The following CCT4 variants were observed in gnomAD, a reference collection of about 807,000 sequenced individuals.
CCT4 encodes the protein chaperonin containing TCP1 subunit 4, also known as T-complex protein 1 subunit delta.
In CCT4, 17 loss-of-function variants were observed where a neutral mutation model predicts 62.5. The ratio of observed to expected loss-of-function variants is 0.27; its 90% CI spans 0.19 to 0.41. CCT4 has a LOEUF of 0.41. CCT4 is among the 10% of genes least tolerant of loss of function. The probability of loss-of-function intolerance (pLI) is 1.00; values close to 1 mark genes in which losing one functional copy is unlikely to be tolerated. For synonymous variants in CCT4, 250 were observed against 229.9 expected (o/e 1.09, Z -0.79); for missense variants, 592 against 659.2 (o/e 0.90, Z 1.12).
At chr2:61,870,800 T>C (rs983399101) in intron 12 of CCT4, among the ~76,000 whole-genome samples, 25 of 152,022 alleles carry the variant, frequency 1.6e-4, no homozygotes, top group Non-Finnish European at 3.7e-4. Context: ...TGGGCGCCTG[T>C]AGTCCCAGCT....
In CCT4 at chr2:61,871,031, G is replaced by GTT. The variant is rs747752539; in HGVS notation, c.1491+1049_1491+1050dup. Among the ~76,000 whole-genome samples the GTT allele has an allele frequency of 1.4e-4, 19 of 138,790 alleles. 1 individual carries two copies. The highest frequency in any genetic ancestry group is 1.6e-4 in the African/African-American group (6 of 37,620). The allele number at this position is 138,790 out of a possible 152,430, so 91.1% of individuals were successfully genotyped here. A position where few individuals can be genotyped will look rare whatever the true frequency, so the allele number is the denominator to read the frequency against. On this transcript the variant is annotated intron_variant, in intron 12 of 13. Transcript: ENST00000394440. ...CAGGGGCCTCCTCATTCTATTAATA[G>GTT]TTTTTTTTTTTTTTTTTTGAGACGG...
chr2:61,883,988 G>A (rs1669179745), intron 2 of CCT4, among the ~76,000 whole-genome samples: 1 of 152,108 alleles, frequency 6.6e-6, no homozygotes, highest in African/African-American at 2.4e-5. Flanking sequence ...AAAGGACAAT[G>A]GCATTTTTGG....
In CCT4 at chr2:61,888,377, A is replaced by G. The variant is rs1202677501; in HGVS notation, c.127+4T>C. ...CGCCGCGGGTCAGGCCATGAGAGTG[A>G]TACCTTTGGCGGCGGAAATGTTGCT... On this transcript the variant is annotated splice_donor_region_variant and intron_variant, in intron 1 of 13. Transcript: ENST00000394440. 1 of 1,612,666 alleles carries G rather than the reference A, an allele frequency of 6.2e-7. No homozygotes were observed. Among genetic ancestry groups the G allele is most frequent in the African/African-American group, 1.3e-5 (1 of 74,840 alleles).
intron 2 of CCT4, 53 bp downstream of exon 2, chr2:61,884,967 G>A: frequency 2.8e-6 from 4 of 1,414,636 alleles, no homozygotes; most frequent in African/African-American, 1.4e-5. Flanking sequence ...ACAAGATCTT[G>A]TAGTGTGAAC....
At chr2:61,884,563 C>T (rs1022233356) in intron 2 of CCT4, among the ~76,000 whole-genome samples, 11 of 152,126 alleles carry the variant, frequency 7.2e-5, no homozygotes, top group Admixed American at 5.2e-4. Context: ...CCCGTCTCGG[C>T]CTCCCAAAGT....
At chr2:61,885,123 T>A (rs1285927344) in intron 1 of CCT4, 51 bp from the exon 2 acceptor site, 4 of 1,415,884 alleles carry the variant, frequency 2.8e-6, no homozygotes, top group Admixed American at 2.6e-5. Flanking sequence ...TTTTTTTTTT[T>A]AAGAGACAGG....
At chr2:61,883,037 T>C (rs1055249024) in intron 3 of CCT4, among the ~76,000 whole-genome samples, 5 of 152,156 alleles carry the variant, frequency 3.3e-5, no homozygotes, top group Admixed American at 6.5e-5. Context: ...CCTAAAAATA[T>C]GCCTGTTCAG....
chr2:61,881,365 ACC>A (rs1669109240), intron 3 of CCT4, among the ~76,000 whole-genome samples: 1 of 151,552 alleles, frequency 6.6e-6, no homozygotes, highest in African/African-American at 2.4e-5. Context: ...CAGGTGATCC[ACC>A]CGCCTCAGCC....
At chr2:61,874,538 G>A (rs1433929397) in intron 8 of CCT4, among the ~76,000 whole-genome samples, 1 of 151,704 alleles carries the variant, frequency 6.6e-6, no homozygotes, top group Non-Finnish European at 1.5e-5. Flanking sequence ...TTGAACCTGG[G>A]AGGCAGAGGT....
intron 13 of CCT4, 70 bp downstream of exon 13, chr2:61,869,370 A>G: frequency 1.1e-6 from 1 of 877,338 alleles, no homozygotes; most frequent in Non-Finnish European, 1.9e-6. Context: ...CAACAACAAC[A>G]ACAAAAAACC....
intron 1 of CCT4, among the ~76,000 whole-genome samples, chr2:61,885,323 AATTC>A (rs547064868): frequency 2.0e-4 from 30 of 152,270 alleles, no homozygotes; most frequent in African/African-American, 6.5e-4. Flanking sequence ...CACAGAAGAA[AATTC>A]ATTGTCTAAA....
chr2:61,883,773 GACACACACACACACACACACACACAC>G (rs59031193), intron 2 of CCT4, among the ~76,000 whole-genome samples: 38 of 143,940 alleles, frequency 2.6e-4, no homozygotes, highest in African/African-American at 8.9e-4. Context: ...AAGAAATGTA[GACACACACACACACACACACACACAC>G]ACACACACAC....
chr2:61,875,105 G>A (rs1211679957), intron 8 of CCT4, among the ~76,000 whole-genome samples: 1 of 149,414 alleles, frequency 6.7e-6, no homozygotes, highest in Admixed American at 6.7e-5. Context: ...TCGCACCATT[G>A]ATTCCAGCCT....
intron 4 of CCT4, among the ~76,000 whole-genome samples, chr2:61,879,605 CATT>C (rs1041734958): frequency 1.5e-4 from 23 of 151,934 alleles, no homozygotes; most frequent in African/African-American, 5.3e-4. Flanking sequence ...CACAAATCTA[CATT>C]ATAAGTAAAA....
At chr2:61,878,710 T>A (rs918599832) in intron 5 of CCT4, among the ~76,000 whole-genome samples, 159 bp downstream of exon 5, 1 of 152,226 alleles carries the variant, frequency 6.6e-6, no homozygotes, top group African/African-American at 2.4e-5. Flanking sequence ...GCCTTATGGC[T>A]CATTTCCTCT....
chr2:61,886,512 C>T (rs761221863), intron 1 of CCT4, among the ~76,000 whole-genome samples: 42 of 152,274 alleles, frequency 2.8e-4, no homozygotes, highest in Non-Finnish European at 5.0e-4. Context: ...TCTCTGGGGC[C>T]GGGTGCGGTG....
intron 1 of CCT4, chr2:61,885,845 A>T (rs1669237487): frequency 6.6e-6 from 1 of 152,064 alleles, no homozygotes; most frequent in Non-Finnish European, 1.5e-5. Flanking sequence ...CAGGACAAGC[A>T]GCAACAGAAC....
At chr2:61,878,238 A>G (rs1331485583) in intron 5 of CCT4, among the ~76,000 whole-genome samples, 2 of 152,232 alleles carry the variant, frequency 1.3e-5, no homozygotes, top group Non-Finnish European at 2.9e-5. Context: ...TAAACACAGG[A>G]TATTACAGAA....
Position 61,888,485 on chromosome 2 carries a change from C to G in CCT4, c.23G>C (p.Arg8Pro). ...GGCAGCCCCGGCAGTCGCCCCGCTCCGGGGTGCCACATTCTCGGGCATGGC... is the reference window on the plus strand; with the variant it reads ...GGCAGCCCCGGCAGTCGCCCCGCTCGGGGGTGCCACATTCTCGGGCATGGC... MPENVAP[R>P]SGATAGAAGG... The change falls in exon 1 of 14, where the codon CGG becomes CCG. Residue 8 changes from arginine (R) to proline (P), a missense_variant. Coordinates refer to ENST00000394440, the MANE Select transcript of CCT4 (RefSeq NM_006430.4). 2.5e-6 allele frequency: 4 copies of G among 1,611,946 alleles called. No homozygotes were observed. The highest frequency in any genetic ancestry group is 3.4e-6 in the Non-Finnish European group (4 of 1,179,238).
Sources: gnomAD v4.1 joint callset for allele counts (sites outside exome capture counted in the v4.1 genomes callset) on GRCh38, gnomAD v4.1.1 for gene constraint, MANE v1.5 for transcripts, NCBI Gene and HGNC (gene_info 2026-07-23, HGNC 2026-07-21) for gene names.